The following NRXN3 variants were observed in gnomAD, a reference collection of about 807,000 sequenced individuals.
The protein encoded by NRXN3 is neurexin III.
NRXN3 carries 32 observed loss-of-function variants against 137.6 expected under a neutral mutation model. The ratio of observed to expected loss-of-function variants is 0.23; its 90% CI spans 0.18 to 0.31. The LOEUF (loss-of-function observed/expected upper bound fraction) is 0.31. NRXN3 is among the 10% of genes least tolerant of loss of function. The probability of loss-of-function intolerance (pLI) is 1.00; values close to 1 mark genes in which losing one functional copy is unlikely to be tolerated. For synonymous variants in NRXN3, 798 were observed against 784.5 expected, an observed-to-expected ratio of 1.02 and a Z score of -0.29; for missense variants, 1,574 against 2,062.5, an observed-to-expected ratio of 0.76 and a Z score of 4.59.
chr14:78,281,404 A>G (rs773730385), intron 3 of NRXN3, among the ~76,000 whole-genome samples: 5 of 152,200 alleles, frequency 3.3e-5, no homozygotes, highest in Non-Finnish European at 7.3e-5. Context: ...ATGATTGATT[A>G]ATTGATTAAT....
chr14:79,624,804 T>TTG (rs1567699339), intron 16 of NRXN3, among the ~76,000 whole-genome samples: 39 of 83,732 alleles, frequency 4.7e-4, no homozygotes, highest in African/African-American at 2.8e-3. Flanking sequence ...TTTTTTTTTG[T>TTG]TTGTTTTTGT....
At chr14:78,718,581 T>C (rs868373716) in intron 8 of NRXN3, among the ~76,000 whole-genome samples, 4 of 152,234 alleles carry the variant, frequency 2.6e-5, no homozygotes, top group African/African-American at 9.6e-5. Flanking sequence ...TTTGCATGTG[T>C]ATGTTTCTCT....
At chr14:79,019,995 G>A (rs2099585983) in intron 15 of NRXN3, among the ~76,000 whole-genome samples, 1 of 152,064 alleles carries the variant, frequency 6.6e-6, no homozygotes, top group African/African-American at 2.4e-5. Flanking sequence ...CTGACAGCAT[G>A]GTCTTGAAGA....
intron 15 of NRXN3, among the ~76,000 whole-genome samples, chr14:79,108,440 A>G (rs1333305019): frequency 2.6e-5 from 4 of 152,162 alleles, no homozygotes; most frequent in Admixed American, 2.0e-4. Context: ...TACCTGACAA[A>G]TATAGTAAAG....
At chr14:79,049,058 AAAAAAAAAAAAAAAAATAATAAT>A (rs1595371934) in intron 15 of NRXN3, among the ~76,000 whole-genome samples, 3 of 51,012 alleles carry the variant, frequency 5.9e-5, no homozygotes, top group Non-Finnish European at 8.0e-5. Flanking sequence ...AAAAAAAAAA[AAAAAAAAAAAAAAAAATAATAAT>A]AATAATAATA....
intron 19 of NRXN3, among the ~76,000 whole-genome samples, chr14:79,720,588 G>A (rs2098841135): frequency 6.6e-6 from 1 of 152,012 alleles, no homozygotes; most frequent in South Asian, 2.1e-4. Context: ...GAGCCATTCT[G>A]TGCTGCTATG....
At chr14:78,539,310 C>T (rs1474407762) in intron 4 of NRXN3, among the ~76,000 whole-genome samples, 1 of 152,176 alleles carries the variant, frequency 6.6e-6, no homozygotes, top group Non-Finnish European at 1.5e-5. Context: ...TTGGTCTATT[C>T]AGAGATTCAC....
intron 2 of NRXN3, among the ~76,000 whole-genome samples, chr14:78,256,395 C>T (rs2069607816): frequency 6.6e-6 from 1 of 152,230 alleles, no homozygotes; most frequent in Admixed American, 6.5e-5. Context: ...CCACAGAACG[C>T]ACAACTTTGG....
At chr14:79,484,157 G>A (rs1255180501) in intron 16 of NRXN3, among the ~76,000 whole-genome samples, 1 of 152,134 alleles carries the variant, frequency 6.6e-6, no homozygotes, top group Non-Finnish European at 1.5e-5. Flanking sequence ...CTAAAATAGA[G>A]TCATTCCCAT....
At chr14:79,702,900 T>C (rs904550739) in intron 19 of NRXN3, among the ~76,000 whole-genome samples, 4 of 49,316 alleles carry the variant, frequency 8.1e-5, no homozygotes, top group Middle Eastern at 6.7e-3. Context: ...TCTTTTACCT[T>C]ATGTCTCCAT....
chr14:78,370,312 CTT>C (rs5809879), intron 4 of NRXN3, among the ~76,000 whole-genome samples: 43,609 of 144,732 alleles, frequency 0.3, 7,727 homozygotes, highest in Admixed American at 0.42. Flanking sequence ...TACTGAGACA[CTT>C]TTTTTTTTTT....
chr14:78,791,695 T>C (rs529241716), intron 8 of NRXN3, among the ~76,000 whole-genome samples: 2 of 152,234 alleles, frequency 1.3e-5, no homozygotes, highest in African/African-American at 4.8e-5. Context: ...TTCCCCTCCA[T>C]TGCCTTGGGA....
intron 15 of NRXN3, among the ~76,000 whole-genome samples, chr14:79,447,650 G>A (rs1167121205): frequency 6.6e-6 from 1 of 152,206 alleles, no homozygotes; most frequent in Non-Finnish European, 1.5e-5. Context: ...ATCTGATGAT[G>A]AAATTTTGAC....
intron 19 of NRXN3, among the ~76,000 whole-genome samples, chr14:79,713,960 G>A (rs1371862110): frequency 2.6e-5 from 4 of 152,046 alleles, no homozygotes; most frequent in African/African-American, 7.2e-5. Context: ...ATGTTTGCAT[G>A]TCACTGGGTT....
chr14:79,582,238 C>T (rs547629013), intron 16 of NRXN3, among the ~76,000 whole-genome samples: 14 of 151,532 alleles, frequency 9.2e-5, no homozygotes, highest in Non-Finnish European at 1.5e-4. Context: ...AGCAACCATG[C>T]CCAGCTGAGG....
chr14:79,800,396 G>A (rs2099174367), intron 19 of NRXN3, among the ~76,000 whole-genome samples: 1 of 152,202 alleles, frequency 6.6e-6, no homozygotes, highest in Non-Finnish European at 1.5e-5. Context: ...AAGCCTAAAT[G>A]TAGCCAGTGT....
intron 4 of NRXN3, among the ~76,000 whole-genome samples, chr14:78,536,344 A>G (rs773471926): frequency 6.6e-6 from 1 of 152,188 alleles, no homozygotes; most frequent in Admixed American, 6.5e-5. Flanking sequence ...TCTGTAGGTC[A>G]CATCCCCGCA....
chr14:78,627,286 G>T (rs1051783063), intron 4 of NRXN3, among the ~76,000 whole-genome samples: 2 of 152,130 alleles, frequency 1.3e-5, no homozygotes. Flanking sequence ...AAGAGGGGCT[G>T]TACACAGCTG....
chr14:78,872,942 A>G (rs138320174), intron 10 of NRXN3, among the ~76,000 whole-genome samples: 19 of 152,228 alleles, frequency 1.2e-4, no homozygotes, highest in Non-Finnish European at 2.2e-4. Context: ...TCAGATTCCA[A>G]TGCTCTTCTT....
Sources: gnomAD v4.1 joint callset for allele counts (sites outside exome capture counted in the v4.1 genomes callset) on GRCh38, gnomAD v4.1.1 for gene constraint, MANE v1.5 for transcripts, NCBI Gene and HGNC (gene_info 2026-07-23, HGNC 2026-07-21) for gene names.